The following GPD2 variants were observed in gnomAD, a reference collection of about 807,000 sequenced individuals.
The protein encoded by GPD2 is glycerol-3-phosphate dehydrogenase, mitochondrial.
Under a neutral mutation model 82.4 loss-of-function variants are expected in GPD2, and 54 were observed. That is an observed-to-expected ratio of 0.66 (90% CI 0.53 to 0.82). The LOEUF (loss-of-function observed/expected upper bound fraction) is 0.82, where lower values mean the gene tolerates loss of function less well. GPD2 is among the 40% of genes least tolerant of loss of function. The pLI is 0.00. For synonymous variants in GPD2, 288 were observed against 306.1 expected, an observed-to-expected ratio of 0.94 and a Z score of 0.62; for missense variants, 748 against 896.2, an observed-to-expected ratio of 0.83 and a Z score of 2.11.
At chr2:156,459,875 A>G (rs1682932193) in intron 1 of GPD2, among the ~76,000 whole-genome samples, 1 of 152,012 alleles carries the variant, frequency 6.6e-6, no homozygotes, top group Admixed American at 6.5e-5. Flanking sequence ...TGGCTGCCAC[A>G]TAGTATAATC....
chr2:156,521,123 A>G (rs1009454729), intron 6 of GPD2, among the ~76,000 whole-genome samples: 2 of 152,250 alleles, frequency 1.3e-5, no homozygotes, highest in Non-Finnish European at 2.9e-5. Context: ...GCAAATATCC[A>G]TCAAGAGGAA....
chr2:156,564,351 A>G (rs1687287374), intron 9 of GPD2, among the ~76,000 whole-genome samples: 1 of 152,182 alleles, frequency 6.6e-6, no homozygotes, highest in South Asian at 2.1e-4. Context: ...TATTCAGACT[A>G]GCATCTACTA....
At chr2:156,554,367 C>A (rs956239930) in intron 8 of GPD2, among the ~76,000 whole-genome samples, 6 of 152,160 alleles carry the variant, frequency 3.9e-5, no homozygotes, top group African/African-American at 1.4e-4. Context: ...AGAACCTGAT[C>A]CATTTGGAAA....
intron 3 of GPD2, among the ~76,000 whole-genome samples, chr2:156,499,604 TTTTAAAAA>T (rs1358629268): frequency 6.6e-6 from 1 of 152,124 alleles, no homozygotes; most frequent in African/African-American, 2.4e-5. Context: ...TATTTATAGT[TTTTAAAAA>T]AATAGACAAG....
the GPD2 span, among the ~76,000 whole-genome samples, chr2:156,424,202 GA>G: frequency 0.2 from 28,916 of 147,494 alleles, 3,174 homozygotes; most frequent in Non-Finnish European, 0.24. Flanking sequence ...ATTAAATAAG[GA>G]AAAAAAAAAA....
intron 2 of GPD2, among the ~76,000 whole-genome samples, chr2:156,486,495 G>T (rs1054265246): frequency 6.6e-6 from 1 of 152,180 alleles, no homozygotes; most frequent in African/African-American, 2.4e-5. Flanking sequence ...TCATTTTAAG[G>T]CCTCTTTAAA....
At chr2:156,404,245 G>T in the GPD2 span, among the ~76,000 whole-genome samples, 1 of 152,030 alleles carries the variant, frequency 6.6e-6, no homozygotes, top group Non-Finnish European at 1.5e-5. Context: ...TTACCCAGGT[G>T]TGGTGGTACA....
At chr2:156,505,263 G>T (rs1054159695) in intron 3 of GPD2, among the ~76,000 whole-genome samples, 2 of 152,044 alleles carry the variant, frequency 1.3e-5, no homozygotes, top group African/African-American at 4.8e-5. Context: ...TTTGCTAACA[G>T]ATGAGATGAT....
chr2:156,557,724 C>A (rs1033559455), intron 9 of GPD2, 142 bp downstream of exon 9: 3 of 686,468 alleles, frequency 4.4e-6, no homozygotes, highest in Non-Finnish European at 8.0e-6. Context: ...TTTATGAGGG[C>A]CAAATTTTAA....
chr2:156,492,796 C>T (rs746060220), intron 2 of GPD2, among the ~76,000 whole-genome samples: 19 of 152,028 alleles, frequency 1.2e-4, no homozygotes, highest in South Asian at 2.1e-4. Flanking sequence ...ACTTAAGAGA[C>T]GGGGAGCTCT....
intron 6 of GPD2, among the ~76,000 whole-genome samples, chr2:156,516,060 T>C (rs2105279168): frequency 6.6e-6 from 1 of 152,240 alleles, no homozygotes; most frequent in African/African-American, 2.4e-5. Context: ...ACTGGAAAAA[T>C]GTTATTACAG....
At chr2:156,451,609 G>T (rs1232045673) in intron 1 of GPD2, among the ~76,000 whole-genome samples, 1 of 139,702 alleles carries the variant, frequency 7.2e-6, no homozygotes, top group Non-Finnish European at 1.5e-5. Context: ...GGCTGGCCCG[G>T]CAGAGGGGCT....
chr2:156,583,547 T>C lies in GPD2; in HGVS notation c.*629T>C, dbSNP rs1391352408. ...GAAGGAAAAGTTTAGATCTGGTTACTGGAGCAAGTCTCAAAGAGAAACTCT... is the reference window on the plus strand; with the variant it reads ...GAAGGAAAAGTTTAGATCTGGTTACCGGAGCAAGTCTCAAAGAGAAACTCT... On this transcript the variant is annotated 3_prime_UTR_variant, in exon 17 of 17. Transcript: ENST00000438166. 6.3e-6 allele frequency: 1 copy of C among 157,504 alleles called. No individual in the cohort carries two copies. Among genetic ancestry groups the C allele is most frequent in the Non-Finnish European group, 1.4e-5 (1 of 70,934 alleles). The allele number at this position is 157,504 out of a possible 1,614,324, so 9.8% of individuals were successfully genotyped here. A position where few individuals can be genotyped will look rare whatever the true frequency, so the allele number is the denominator to read the frequency against.
chr2:156,563,336 G>A (rs1687244356), intron 9 of GPD2, among the ~76,000 whole-genome samples: 1 of 152,056 alleles, frequency 6.6e-6, no homozygotes, highest in Non-Finnish European at 1.5e-5. Context: ...AAGAGATGAA[G>A]CAATAATGAA....
chr2:156,467,594 A>T (rs1369078285), intron 1 of GPD2, among the ~76,000 whole-genome samples: 1 of 152,198 alleles, frequency 6.6e-6, no homozygotes, highest in Admixed American at 6.5e-5. Flanking sequence ...AAAGAAGGTG[A>T]CGGAAGGATA....
chr2:156,440,890 T>G (rs1318714044), intron 1 of GPD2, among the ~76,000 whole-genome samples: 1 of 152,186 alleles, frequency 6.6e-6, no homozygotes, highest in Non-Finnish European at 1.5e-5. Context: ...TCTACACTGC[T>G]GAGATGACAG....
intron 3 of GPD2, among the ~76,000 whole-genome samples, chr2:156,504,763 T>G (rs557401381): frequency 6.6e-6 from 1 of 152,048 alleles, no homozygotes; most frequent in South Asian, 2.1e-4. Flanking sequence ...TATAGAAAAA[T>G]ATTTATTGAC....
chr2:156,425,570 A>T, the GPD2 span, among the ~76,000 whole-genome samples: 1 of 152,226 alleles, frequency 6.6e-6, no homozygotes, highest in African/African-American at 2.4e-5. Flanking sequence ...ACTCAGGTTA[A>T]GTATTTGGGG....
intron 2 of GPD2, among the ~76,000 whole-genome samples, chr2:156,481,899 C>G (rs549652367): frequency 2.0e-5 from 3 of 152,134 alleles, no homozygotes; most frequent in Non-Finnish European, 4.4e-5. Flanking sequence ...CTATTGTGAA[C>G]AGCTAGTTCT....
Sources: allele counts gnomAD v4.1 joint callset (sites outside exome capture counted in the v4.1 genomes callset), GRCh38; gene constraint gnomAD v4.1.1; transcripts MANE v1.5; gene names NCBI Gene and HGNC (gene_info 2026-07-23, HGNC 2026-07-21).